Variants in NRG2 observed in about 807,000 individuals in gnomAD.
NRG2 encodes the protein neuregulin 2.
A neutral mutation model predicts 73.9 loss-of-function variants in NRG2; 27 were observed. That is an observed-to-expected ratio of 0.37 (90% CI 0.27 to 0.50). NRG2 has a LOEUF of 0.50. Among genes scored for constraint, NRG2 ranks in the 20% least tolerant of loss-of-function variants. The probability of loss-of-function intolerance (pLI) is 0.96; values close to 1 mark genes in which losing one functional copy is unlikely to be tolerated. For synonymous variants in NRG2, 532 were observed against 541.0 expected (o/e 0.98, Z 0.23); for missense variants, 1,126 against 1,210.1 (o/e 0.93, Z 1.03).
Position 139,887,312 on chromosome 5 carries a change from G to T in NRG2, c.872+28C>A, listed in dbSNP as rs569722841. On this transcript the variant is annotated intron_variant, in intron 2 of 9. Transcript: ENST00000361474. The surrounding 1 kb of genome is among the most constrained non-coding windows in gnomAD (Gnocchi z 4.5). ...CGAGAGGAGGGAGGGCAGCTGCTTG[G>T]ATGGAGGACAGGCTGGATATTGCTT... The T allele has an allele frequency of 1.9e-6, 3 of 1,611,812 alleles. No individual in the cohort carries two copies. The East Asian group carries it at 6.7e-5, about 36-fold the overall frequency.
chr5:139,943,308 G>T (rs900299382), intron 1 of NRG2, among the ~76,000 whole-genome samples: 3 of 151,686 alleles, frequency 2.0e-5, no homozygotes, highest in African/African-American at 7.3e-5. Flanking sequence ...CACCATGCCT[G>T]GCTAATTTTT....
chr5:140,021,419 C>G (rs901079683), intron 1 of NRG2, among the ~76,000 whole-genome samples: 1 of 152,194 alleles, frequency 6.6e-6, no homozygotes, highest in South Asian at 2.1e-4. Context: ...TGCTTCTACT[C>G]CCCACTGTTT....
intron 1 of NRG2, among the ~76,000 whole-genome samples, chr5:139,964,292 T>C (rs1580830583): frequency 6.6e-6 from 1 of 152,090 alleles, no homozygotes; most frequent in Admixed American, 6.5e-5. Context: ...TTTATGTATC[T>C]CCTTTCCGGC....
At chr5:139,966,193 A>G (rs1755501714) in intron 1 of NRG2, among the ~76,000 whole-genome samples, 1 of 152,162 alleles carries the variant, frequency 6.6e-6, no homozygotes, top group Admixed American at 6.5e-5. Context: ...GAAACACAGG[A>G]GTGATGCACC....
intron 1 of NRG2, among the ~76,000 whole-genome samples, chr5:140,013,637 C>T (rs1454002208): frequency 6.6e-6 from 1 of 152,198 alleles, no homozygotes; most frequent in African/African-American, 2.4e-5. Context: ...TTGTAGCAAA[C>T]TTGCAATAAA....
chr5:139,907,085 A>C (rs992492320), intron 1 of NRG2, among the ~76,000 whole-genome samples: 8 of 152,110 alleles, frequency 5.3e-5, no homozygotes, highest in African/African-American at 1.9e-4. Context: ...GTGTGTGTAC[A>C]TATGAGTGTA....
At position 139,905,248 on chromosome 5, in the gene NRG2, A is replaced by G. The variant is rs1028196431; in HGVS notation, c.701-17737T>C. ...GCCCCGGTCCCACAAACCATTGGGT[A>G]GGGGCTGCTGGAGAGGACAGAGTCC... On this transcript the variant is annotated intron_variant, in intron 1 of 9. Coordinates refer to ENST00000361474, the MANE Select transcript of NRG2 (RefSeq NM_004883.3). Among the ~76,000 whole-genome samples the G allele has an allele frequency of 2.6e-5, 4 of 152,146 alleles. No individual in the cohort carries two copies. In the East Asian group the frequency reaches 7.7e-4, roughly 29 times the overall value.
At chr5:139,959,710 G>A (rs896952801) in intron 1 of NRG2, among the ~76,000 whole-genome samples, 7 of 151,222 alleles carry the variant, frequency 4.6e-5, no homozygotes, top group Admixed American at 4.6e-4. Flanking sequence ...ACAGGGTTTC[G>A]CCACATTGGC....
intron 1 of NRG2, among the ~76,000 whole-genome samples, chr5:139,914,748 T>A (rs1580724316): frequency 6.6e-6 from 1 of 152,236 alleles, no homozygotes; most frequent in East Asian, 1.9e-4. Context: ...CGTTTCTTAG[T>A]TCTGTTTGCC....
At chr5:139,871,662 C>T (rs1028685190) in intron 4 of NRG2, 59 bp downstream of exon 4, 1 of 1,602,778 alleles carries the variant, frequency 6.2e-7, no homozygotes, top group African/African-American at 1.3e-5. Context: ...CCCTCCACTT[C>T]TGACCCAGCA....
In NRG2 at chr5:139,856,560, C is replaced by G. The variant is rs561636064; in HGVS notation, c.1190-782G>C. Among the ~76,000 whole-genome samples, 2 of 152,202 alleles carry G rather than the reference C, an allele frequency of 1.3e-5. No homozygotes were observed. The highest frequency in any genetic ancestry group is 2.9e-5 in the Non-Finnish European group (2 of 68,026). ...AAGGCTACAGCCCGGAGACCCCACC[C>G]GTGCCCACCACACCTGCTGGCTGGC... On this transcript the variant is annotated intron_variant, in intron 5 of 9. Transcript: ENST00000361474. This position sits in a 1 kb window ranked among gnomAD's most constrained non-coding sequence, Gnocchi z 4.2.
chr5:140,041,642 C>T (rs1266229931), intron 1 of NRG2, among the ~76,000 whole-genome samples: 1 of 145,556 alleles, frequency 6.9e-6, no homozygotes, highest in African/African-American at 2.6e-5. Flanking sequence ...AATCAACAGA[C>T]CTTGTAATTC....
At chr5:139,867,801 AGTGT>A (rs1202470798) in intron 4 of NRG2, among the ~76,000 whole-genome samples, 1,689 of 79,388 alleles carry the variant, frequency 0.021, 26 homozygotes, top group African/African-American at 0.06. Flanking sequence ...TGTGTGTATG[AGTGT>A]GTGTGTGTGT....
intron 1 of NRG2, among the ~76,000 whole-genome samples, chr5:139,936,026 C>G (rs1004695840): frequency 2.0e-5 from 3 of 150,060 alleles, no homozygotes; most frequent in Non-Finnish European, 4.4e-5. Context: ...TGGCATGCAG[C>G]TTAAGCATCA....
chr5:139,918,583 A>G (rs1751440618), intron 1 of NRG2, among the ~76,000 whole-genome samples: 1 of 152,210 alleles, frequency 6.6e-6, no homozygotes. Context: ...TAAACAGCCC[A>G]GACAAGCCCC....
chr5:139,985,488 C>T (rs1757107610), intron 1 of NRG2, among the ~76,000 whole-genome samples: 1 of 152,134 alleles, frequency 6.6e-6, no homozygotes, highest in African/African-American at 2.4e-5. Flanking sequence ...CCTCCCGAAA[C>T]AGGAACAGCA....
chr5:139,850,068 C>T (rs2126994707), intron 9 of NRG2, among the ~76,000 whole-genome samples: 1 of 152,350 alleles, frequency 6.6e-6, no homozygotes, highest in Middle Eastern at 3.4e-3. Flanking sequence ...CAAGTTGTTC[C>T]CCGTGCCTAG....
chr5:139,881,053 CCT>C, intron 2 of NRG2, 79 bp from the exon 3 acceptor site: 1 of 1,179,904 alleles, frequency 8.5e-7, no homozygotes, highest in East Asian at 2.4e-5. Context: ...CCAGCGGTTG[CCT>C]CTCTCCACAG....
At chr5:140,037,522 C>T (rs1761592618) in intron 1 of NRG2, among the ~76,000 whole-genome samples, 2 of 152,056 alleles carry the variant, frequency 1.3e-5, no homozygotes, top group African/African-American at 4.8e-5. Context: ...AGATCTTGGG[C>T]CAGGTTAAGA....
Sources: allele counts gnomAD v4.1 joint callset (sites outside exome capture counted in the v4.1 genomes callset), GRCh38; gene constraint gnomAD v4.1.1; non-coding constraint Gnocchi (gnomAD v3.1); transcripts MANE v1.5; gene names NCBI Gene and HGNC (gene_info 2026-07-23, HGNC 2026-07-21).